LRRC49: variants seen among roughly 807,000 people sequenced by gnomAD.
The protein encoded by LRRC49 is leucine rich repeat containing 49.
A neutral mutation model predicts 83.3 loss-of-function variants in LRRC49; 50 were observed. That is an observed-to-expected ratio of 0.60 (90% confidence interval 0.48 to 0.76). The LOEUF is 0.76. Ranked by LOEUF, LRRC49 falls within the 30% of genes least tolerant of loss-of-function variation. LRRC49 has a pLI of 0.00. For synonymous variants in LRRC49, 286 were observed against 283.3 expected, an observed-to-expected ratio of 1.01 and a Z score of -0.10; for missense variants, 704 against 809.1, an observed-to-expected ratio of 0.87 and a Z score of 1.58.
At chr15:70,877,264 A>G (rs1453142992) in intron 2 of LRRC49, among the ~76,000 whole-genome samples, 2 of 152,182 alleles carry the variant, frequency 1.3e-5, no homozygotes, top group Non-Finnish European at 2.9e-5. Flanking sequence ...TATTAATACA[A>G]TGTATGTATT....
At chr15:70,859,522 T>C (rs748721297) in intron 1 of LRRC49, 4 of 680,974 alleles carry the variant, frequency 5.9e-6, no homozygotes, top group Non-Finnish European at 1.1e-5. Context: ...AGGAGGAGAT[T>C]GCCAACCGCA....
chr15:70,980,134 A>G lies in LRRC49; in HGVS notation c.955A>G (p.Lys319Glu), dbSNP rs2037347352. 6.2e-7 allele frequency: 1 copy of G among 1,610,454 alleles called. No homozygotes were observed. The highest frequency in any genetic ancestry group is 1.3e-5 in the African/African-American group (1 of 74,896). The change falls in exon 10 of 16, where the codon AAA becomes GAA. Residue 319 changes from lysine (K) to glutamate (E), a missense_variant. This residue lies in a region of LRRC49 where 168 missense variants were observed against 140.6 expected (regional missense o/e 1.20). Transcript: ENST00000260382. ...EERRMASVLA[K>E]KEEEKKRESH... ...AAGGCGTATGGCATCTGTTTTAGCC[A>G]AAAAAGAGGAAGAGAAGAAGCGGGA... is the stretch of plus-strand genomic sequence containing the variant.
At chr15:70,974,686 A>AGCTAATAAT (rs747672843) in intron 9 of LRRC49, among the ~76,000 whole-genome samples, 16 of 152,018 alleles carry the variant, frequency 1.1e-4, no homozygotes, top group South Asian at 2.1e-4. Flanking sequence ...ACAGCTCTCA[A>AGCTAATAAT]GCTAATAATG....
upstream of LRRC49, among the ~76,000 whole-genome samples, chr15:70,889,880 G>T (rs2141091094): frequency 6.6e-6 from 1 of 152,302 alleles, no homozygotes; most frequent in African/African-American, 2.4e-5. Flanking sequence ...TTTTAGCGAT[G>T]TGGTTAGGGT....
At chr15:70,943,253 G>A (rs139440627) in intron 8 of LRRC49, among the ~76,000 whole-genome samples, 8 of 152,038 alleles carry the variant, frequency 5.3e-5, no homozygotes, top group Non-Finnish European at 1.0e-4. Flanking sequence ...TGTTACCAGC[G>A]GCAAATCTAT....
intron 6 of LRRC49, among the ~76,000 whole-genome samples, chr15:70,915,435 C>T (rs2034729138): frequency 6.6e-6 from 1 of 152,082 alleles, no homozygotes; most frequent in Non-Finnish European, 1.5e-5. Flanking sequence ...AATTGTCCCC[C>T]ATAACTCTAT....
At chr15:70,927,349 A>T (rs1485461912) in intron 7 of LRRC49, among the ~76,000 whole-genome samples, 1 of 152,032 alleles carries the variant, frequency 6.6e-6, no homozygotes, top group Non-Finnish European at 1.5e-5. Context: ...AAATTAGGTT[A>T]TCTTTTTATC....
intron 7 of LRRC49, among the ~76,000 whole-genome samples, chr15:70,925,493 A>G (rs1167226901): frequency 6.6e-6 from 1 of 152,130 alleles, no homozygotes; most frequent in African/African-American, 2.4e-5. Context: ...TTTGCCTATC[A>G]TGTGTCAAGC....
intron 3 of LRRC49, chr15:70,898,406 C>T: frequency 2.8e-6 from 2 of 701,784 alleles, no homozygotes; most frequent in Non-Finnish European, 5.2e-6. Flanking sequence ...TGAGGTCCAT[C>T]ACCCAAGGAG....
chr15:70,871,720 G>T (rs2033045733), intron 1 of LRRC49, among the ~76,000 whole-genome samples: 7 of 148,426 alleles, frequency 4.7e-5, no homozygotes, highest in Admixed American at 4.7e-4. Flanking sequence ...CCCAGACGGG[G>T]TGGTGGTGGG....
intron 8 of LRRC49, among the ~76,000 whole-genome samples, chr15:70,942,033 ATGTGTGTGTGTGTGTGTG>A (rs34818331): frequency 6.9e-6 from 1 of 144,088 alleles, no homozygotes; most frequent in Non-Finnish European, 1.5e-5. Flanking sequence ...TGTAAAGGTT[ATGTGTGTGTGTGTGTGTG>A]TGTGTGTGTG....
intron 6 of LRRC49, among the ~76,000 whole-genome samples, chr15:70,916,333 C>T (rs1052347944): frequency 5.9e-5 from 9 of 152,052 alleles, no homozygotes; most frequent in African/African-American, 9.7e-5. Context: ...TTCGCTCTGT[C>T]GCCCAGGCTG....
chr15:71,033,198 A>G (rs1027373842), intron 14 of LRRC49, among the ~76,000 whole-genome samples: 10 of 152,228 alleles, frequency 6.6e-5, no homozygotes, highest in Non-Finnish European at 1.3e-4. Flanking sequence ...AAAAATTGCA[A>G]GCATTCCTAC....
intron 1 of LRRC49, among the ~76,000 whole-genome samples, chr15:70,869,258 G>A (rs1398350296): frequency 1.3e-5 from 2 of 152,118 alleles, no homozygotes; most frequent in Non-Finnish European, 2.9e-5. Context: ...ACACTGACAT[G>A]TTAACAGTAA....
intron 14 of LRRC49, among the ~76,000 whole-genome samples, chr15:71,025,027 T>C (rs1416675468): frequency 6.6e-6 from 1 of 152,096 alleles, no homozygotes; most frequent in Non-Finnish European, 1.5e-5. Context: ...GAACAAAATC[T>C]CTGAGAACTA....
Position 70,895,911 on chromosome 15 carries a change from T to C in LRRC49, c.168T>C (p.Leu56=). ...CCGGTAGACTTTTACAACATGACCT[T>C]GAAAGAAACTACTCAAGTAGGCAAG... ...SFPGRLLQHD[L]ERNYSSRQGD... The change falls in exon 3 of 16, where the codon CTT becomes CTC. Residue 56 remains leucine, a synonymous_variant. Coordinates refer to ENST00000260382, the MANE Select transcript of LRRC49 (RefSeq NM_017691.5). 6.2e-7 allele frequency: 1 copy of C among 1,609,114 alleles called. No homozygotes were observed. The highest frequency in any genetic ancestry group is 1.1e-5 in the South Asian group (1 of 90,486).
At chr15:70,874,683 A>T (rs2033116340) in intron 2 of LRRC49, among the ~76,000 whole-genome samples, 1 of 152,230 alleles carries the variant, frequency 6.6e-6, no homozygotes, top group South Asian at 2.1e-4. Context: ...TTTTCCAGCT[A>T]TAACACCTTC....
At chr15:70,947,374 A>C (rs1452514756) in intron 8 of LRRC49, among the ~76,000 whole-genome samples, 1 of 152,216 alleles carries the variant, frequency 6.6e-6, no homozygotes, top group African/African-American at 2.4e-5. Context: ...TTTATGTTTA[A>C]AACACCAAAA....
intron 8 of LRRC49, 37 bp from the exon 9 acceptor site, chr15:70,963,748 C>CT: frequency 6.3e-7 from 1 of 1,595,026 alleles, no homozygotes; most frequent in East Asian, 2.2e-5. Flanking sequence ...TATCTTAAGG[C>CT]CTCAGAATAA....
Sources: allele counts gnomAD v4.1 joint callset (sites outside exome capture counted in the v4.1 genomes callset), GRCh38; gene constraint gnomAD v4.1.1; regional missense constraint gnomAD v4.1.1; transcripts MANE v1.5; gene names NCBI Gene and HGNC (gene_info 2026-07-23, HGNC 2026-07-21).